Variants in CAPN9 observed in about 807,000 individuals in gnomAD.
CAPN9 encodes the protein calpain-9.
CAPN9 carries 81 observed loss-of-function variants against 92.8 expected under a neutral mutation model. The ratio of observed to expected loss-of-function variants is 0.87; its 90% CI spans 0.73 to 1.05. The LOEUF is 1.05. Ranked by LOEUF, CAPN9 falls within the 50% of genes least tolerant of loss-of-function variation. The pLI is 0.00. For synonymous variants in CAPN9, 304 were observed against 328.0 expected, an observed-to-expected ratio of 0.93 and a Z score of 0.79; for missense variants, 848 against 866.2, an observed-to-expected ratio of 0.98 and a Z score of 0.26.
intron 2 of CAPN9, among the ~76,000 whole-genome samples, chr1:230,758,736 T>A (rs1352690839): frequency 1.3e-5 from 2 of 152,306 alleles, no homozygotes; most frequent in South Asian, 4.1e-4. Context: ...TGATGTTGTC[T>A]ACTGAAAACA....
At chr1:230,755,266 C>T (rs1056180481) in intron 1 of CAPN9, 71 bp from the exon 2 acceptor site, 3 of 1,255,138 alleles carry the variant, frequency 2.4e-6, no homozygotes, top group South Asian at 1.2e-5. Context: ...GCAGAGAGAC[C>T]CTGAGCCTAC....
At chr1:230,785,717 T>C (rs1338024412) in intron 11 of CAPN9, among the ~76,000 whole-genome samples, 1 of 152,206 alleles carries the variant, frequency 6.6e-6, no homozygotes, top group Non-Finnish European at 1.5e-5. Flanking sequence ...ATAAATTACC[T>C]AGTCTCTGTT....
chr1:230,749,566 G>T (rs1210400284), intron 1 of CAPN9, among the ~76,000 whole-genome samples: 2 of 152,198 alleles, frequency 1.3e-5, no homozygotes, highest in Admixed American at 1.3e-4. Flanking sequence ...TAGAGAAATT[G>T]ATTTCCTGGG....
chr1:230,801,041 T>C (rs1017059849), intron 19 of CAPN9, among the ~76,000 whole-genome samples: 2 of 152,186 alleles, frequency 1.3e-5, no homozygotes, highest in African/African-American at 2.4e-5. Context: ...CAAGTCACCA[T>C]GCTGTAATAA....
chr1:230,777,837 C>T (rs1048401097), intron 8 of CAPN9, among the ~76,000 whole-genome samples: 8 of 152,166 alleles, frequency 5.3e-5, no homozygotes, highest in African/African-American at 1.9e-4. Context: ...ACATCCTGTC[C>T]TGGCCCCCTC....
chr1:230,755,283 A>G (rs775475732), intron 1 of CAPN9, 54 bp from the exon 2 acceptor site: 20 of 1,396,996 alleles, frequency 1.4e-5, no homozygotes, highest in Non-Finnish European at 1.7e-5. Context: ...CTACCCTTTC[A>G]TAGTGGCTTG....
chr1:230,758,770 C>T (rs1229146969), intron 2 of CAPN9, among the ~76,000 whole-genome samples: 1 of 152,088 alleles, frequency 6.6e-6, no homozygotes, highest in African/African-American at 2.4e-5. Flanking sequence ...AAAGGTGATT[C>T]GGATAAATGG....
At chr1:230,794,740 G>A (rs1427632359) in intron 17 of CAPN9, among the ~76,000 whole-genome samples, 1 of 152,196 alleles carries the variant, frequency 6.6e-6, no homozygotes, top group Non-Finnish European at 1.5e-5. Context: ...GCCACAGCTG[G>A]AAGTGACCTG....
At chr1:230,796,796 G>A (rs1668387919) in intron 18 of CAPN9, among the ~76,000 whole-genome samples, 1 of 152,104 alleles carries the variant, frequency 6.6e-6, no homozygotes, top group Admixed American at 6.5e-5. Flanking sequence ...AACCACCCAG[G>A]TGTAATCCTT....
At chr1:230,782,325 A>G (rs1489987814) in intron 11 of CAPN9, among the ~76,000 whole-genome samples, 1 of 152,206 alleles carries the variant, frequency 6.6e-6, no homozygotes, top group African/African-American at 2.4e-5. Context: ...TCCTGATTAA[A>G]CAAACAGAAG....
At position 230,800,306 on chromosome 1, in the gene CAPN9, GGA is replaced by G. The variant is rs1167955210; in HGVS notation, c.2047-1263_2047-1262del. Among the ~76,000 whole-genome samples the G allele has an allele frequency of 1.8e-4, 9 of 50,262 alleles. 1 individual carries two copies. Among genetic ancestry groups the G allele is most frequent in the South Asian group, 1.4e-3 (2 of 1,420 alleles). The allele number at this position is 50,262 out of a possible 152,430, so 33.0% of individuals were successfully genotyped here. A position where few individuals can be genotyped will look rare whatever the true frequency, so the allele number is the denominator to read the frequency against. ...AGAAAGAAAGAAAGAAAGAAAGAAA[GGA>G]AAAACAAGAGAGACCCCTAGGTCCA... On this transcript the variant is annotated intron_variant, in intron 19 of 19. Transcript: ENST00000271971.
At chr1:230,752,007 C>T (rs1221011647) in intron 1 of CAPN9, among the ~76,000 whole-genome samples, 1 of 152,168 alleles carries the variant, frequency 6.6e-6, no homozygotes, top group Non-Finnish European at 1.5e-5. Flanking sequence ...TAACCCCTTC[C>T]TCATGGCCTC....
At chr1:230,754,464 C>G (rs750704863) in intron 1 of CAPN9, among the ~76,000 whole-genome samples, 87 of 151,662 alleles carry the variant, frequency 5.7e-4, no homozygotes, top group Non-Finnish European at 9.0e-4. Context: ...GCATATCTCT[C>G]TTTATATGGT....
At chr1:230,793,487 C>T (rs1287847098) in intron 17 of CAPN9, among the ~76,000 whole-genome samples, 2 of 152,218 alleles carry the variant, frequency 1.3e-5, no homozygotes, top group Non-Finnish European at 2.9e-5. Flanking sequence ...GGTGGCATTT[C>T]CCACTCTTGT....
intron 1 of CAPN9, among the ~76,000 whole-genome samples, chr1:230,751,861 G>C (rs1344829522): frequency 6.8e-6 from 1 of 148,014 alleles, no homozygotes; most frequent in Admixed American, 6.7e-5. Flanking sequence ...TGGGGTGGGG[G>C]AGGGGAGGGG....
chr1:230,800,212 AAGAAAAAT>A (rs1668585579), intron 19 of CAPN9, among the ~76,000 whole-genome samples: 2 of 121,610 alleles, frequency 1.6e-5, no homozygotes, highest in Non-Finnish European at 3.6e-5. Context: ...AAAGAAAAGA[AAGAAAAAT>A]AAGAAAGAAA....
At position 230,759,647 on chromosome 1, in the gene CAPN9, G is replaced by A. The variant is rs28359609; in HGVS notation, c.402+17G>A. On this transcript the variant is annotated intron_variant, in intron 3 of 19. Transcript: ENST00000271971. Reference sequence around the variant, plus strand: ...CATTTCCAGGTAAGAGGGAGCCCTGGGCCAGTGGGTTTACCTCTCTGGGGC... The same window carrying A: ...CATTTCCAGGTAAGAGGGAGCCCTGAGCCAGTGGGTTTACCTCTCTGGGGC... 1,667 of 1,557,520 alleles carry A rather than the reference G, an allele frequency of 1.1e-3. 15 individuals are homozygous for A. The African/African-American group carries it at 0.021, about 19-fold the overall frequency.
chr1:230,793,021 C>T (rs1362177980), intron 17 of CAPN9, 93 bp downstream of exon 17: 1 of 959,108 alleles, frequency 1.0e-6, no homozygotes, highest in African/African-American at 1.6e-5. Context: ...CTCTGCTGCC[C>T]AGGAGGTGGG....
In CAPN9 at chr1:230,755,416, A is replaced by G; in HGVS notation, c.283+10A>G. 1 of 1,598,010 alleles carries G rather than the reference A, an allele frequency of 6.3e-7. No individual in the cohort carries two copies. The highest frequency in any genetic ancestry group is 8.5e-7 in the Non-Finnish European group (1 of 1,171,966). ...TGCCAGGGAGAGCTGGGTGAGTGTAAGTGGATGGAGCATGGCGAGAGGGAG... is the reference window on the plus strand; with the variant it reads ...TGCCAGGGAGAGCTGGGTGAGTGTAGGTGGATGGAGCATGGCGAGAGGGAG... On this transcript the variant is annotated intron_variant, in intron 2 of 19. Transcript: ENST00000271971.
Sources: allele counts gnomAD v4.1 joint callset (sites outside exome capture counted in the v4.1 genomes callset), GRCh38; gene constraint gnomAD v4.1.1; transcripts MANE v1.5; gene names NCBI Gene and HGNC (gene_info 2026-07-23, HGNC 2026-07-21).